NOM1: variants seen among roughly 807,000 people sequenced by gnomAD.
NOM1 encodes nucleolar protein with MIF4G domain 1, also known as nucleolar MIF4G domain-containing protein 1.
NOM1 carries 58 observed loss-of-function variants against 73.3 expected under a neutral mutation model. The ratio of observed to expected loss-of-function variants is 0.79; its 90% CI spans 0.64 to 0.99. The LOEUF is 0.99. NOM1 is among the 50% of genes least tolerant of loss of function. The pLI, the probability that NOM1 is intolerant of heterozygous loss-of-function variation, is 0.00. For missense variants in NOM1, 1,226 were observed against 1,131.9 expected (o/e 1.08, Z -1.19); for synonymous variants, 487 against 446.8 (o/e 1.09, Z -1.14).
Position 156,960,039 on chromosome 7 carries a change from T to G in NOM1, c.1497T>G (p.Ile499Met), listed in dbSNP as rs184555546. The change falls in exon 4 of 11, where the codon ATT becomes ATG. Residue 499 changes from isoleucine to methionine, a missense_variant. Transcript: ENST00000275820. ...TTGGAACTTTCACCGAAAAAGATAT[T>G]GAACTGATCTTGTTAATGCTGAAAA... ...KLIGTFTEKD[I>M]ELILLMLKNV... is the part of the protein sequence containing the mutation. 77 of 1,614,202 alleles carry G rather than the reference T, an allele frequency of 4.8e-5. No individual in the cohort carries two copies. The highest frequency in any genetic ancestry group is 6.4e-5 in the Non-Finnish European group (76 of 1,180,034).
intron 7 of NOM1, 83 bp from the exon 8 acceptor site, chr7:156,966,187 G>T: frequency 6.4e-7 from 1 of 1,556,124 alleles, no homozygotes; most frequent in South Asian, 1.2e-5. Flanking sequence ...CCTTCCAGGC[G>T]GGAAGATGTT....
chr7:156,958,501 G>C (rs1298654580), intron 3 of NOM1: 1 of 152,260 alleles, frequency 6.6e-6, no homozygotes, highest in Non-Finnish European at 1.5e-5. Context: ...TCCAGTCCCA[G>C]CTTAAGTTGA....
chr7:156,951,831 C>T (rs1804599997), intron 1 of NOM1, among the ~76,000 whole-genome samples: 2 of 152,060 alleles, frequency 1.3e-5, no homozygotes, highest in South Asian at 4.1e-4. Flanking sequence ...CCTCATCTCC[C>T]AAGTAGCTGG....
At chr7:156,968,420 G>A (rs142176245) in intron 9 of NOM1, among the ~76,000 whole-genome samples, 2,319 of 152,146 alleles carry the variant, frequency 0.015, 26 homozygotes, top group Non-Finnish European at 0.026. Flanking sequence ...GTCCGCAAGC[G>A]CCTGTGATGG....
chr7:156,957,301 T>C (rs530759981), intron 3 of NOM1, among the ~76,000 whole-genome samples: 2 of 152,292 alleles, frequency 1.3e-5, no homozygotes, highest in South Asian at 2.1e-4. Flanking sequence ...AAAAACCCAA[T>C]CTATGTAGAT....
chr7:156,962,200 G>A lies in NOM1; in HGVS notation c.1682G>A (p.Arg561His), dbSNP rs375066764. ...TTGGCCCTGAAGAACAATGACATGCGCAAAATTCCAGGCTATGACCCCGAG... is the reference window on the plus strand; with the variant it reads ...TTGGCCCTGAAGAACAATGACATGCACAAAATTCCAGGCTATGACCCCGAG... ...TMLALKNNDM[R>H]KIPGYDPEPV... The change falls in exon 5 of 11, where the codon CGC becomes CAC. Residue 561 changes from arginine (R) to histidine (H), a missense_variant. Arg to His is a conservative substitution (Grantham distance 29, BLOSUM62 0). Coordinates refer to ENST00000275820, the MANE Select transcript of NOM1 (RefSeq NM_138400.2). 8.1e-6 allele frequency: 13 copies of A among 1,613,960 alleles called. No individual in the cohort carries two copies. The highest frequency in any genetic ancestry group is 2.2e-5 in the East Asian group (1 of 44,882).
intron 1 of NOM1, 67 bp from the exon 2 acceptor site, chr7:156,952,407 T>C: frequency 3.9e-6 from 6 of 1,536,740 alleles, no homozygotes; most frequent in Non-Finnish European, 5.3e-6. Flanking sequence ...AATACACATA[T>C]GGCAAAGAAA....
Position 156,950,059 on chromosome 7 carries a change from C to T in NOM1, c.322C>T (p.Pro108Ser). ...GAGGACGGCGGGCCCCGAACAGGGT[C>T]CCGGCCTGGGAGGCCGAAGCGGAGC... ...LQRTAGPEQG[P>S]GLGGRSGAEE... Residue 108 changes from proline to serine, a missense_variant, in exon 1 of 11, where the codon CCC (proline) becomes TCC (serine). Physicochemically the swap from Pro to Ser is moderately conservative, Grantham distance 74 (BLOSUM62 -1). Transcript: ENST00000275820. 6.5e-7 allele frequency: 1 copy of T among 1,543,650 alleles called. No homozygotes were observed. Among genetic ancestry groups the T allele is most frequent in the Non-Finnish European group, 8.7e-7 (1 of 1,146,934 alleles).
intron 3 of NOM1, among the ~76,000 whole-genome samples, chr7:156,956,272 T>C (rs1291545529): frequency 6.6e-6 from 1 of 151,590 alleles, no homozygotes; most frequent in Non-Finnish European, 1.5e-5. Context: ...GAAGGCGGCA[T>C]GGGGTGGGTG....
chr7:156,957,434 G>A (rs1407630913), intron 3 of NOM1, among the ~76,000 whole-genome samples: 4 of 152,134 alleles, frequency 2.6e-5, no homozygotes, highest in Non-Finnish European at 5.9e-5. Flanking sequence ...GACATTAAAT[G>A]GAACTTCAGA....
At position 156,960,894 on chromosome 7, in the gene NOM1, T is replaced by A. The variant is rs185086759; in HGVS notation, c.1632+720T>A. On this transcript the variant is annotated intron_variant, in intron 4 of 10. Coordinates refer to ENST00000275820, the MANE Select transcript of NOM1 (RefSeq NM_138400.2). ...AATGTTGGGATCGTGGCAGTGGGTG[T>A]GGACATGGGCGTCAGAAGTGACCAG... Among the ~76,000 whole-genome samples, 43 of 152,148 alleles carry A rather than the reference T, an allele frequency of 2.8e-4. No homozygotes were observed. The East Asian group carries it at 7.4e-3, about 26-fold the overall frequency.
rs1438029594 is a variant in NOM1 at position 156,949,757 on chromosome 7, C to A, written c.20C>A (p.Ala7Glu). The change falls in exon 1 of 11, where the codon GCG becomes GAG. Residue 7 changes from alanine to glutamate, a missense_variant. Transcript: ENST00000275820. MAASRS[A>E]GEAGPGGSQG... ...CGAAAGATGGCGGCGTCCAGGAGCG[C>A]GGGAGAGGCCGGCCCGGGCGGCTCC... The A allele has an allele frequency of 3.6e-6, 5 of 1,393,940 alleles. No individual in the cohort carries two copies. In the East Asian group the frequency reaches 1.1e-4, roughly 31 times the overall value. 86.3% of individuals were successfully genotyped at this position (1,393,940 alleles called of 1,614,324 possible). A position where few individuals can be genotyped will look rare whatever the true frequency, so the allele number is the denominator to read the frequency against.
At chr7:156,966,541 C>G in intron 8 of NOM1, 139 bp downstream of exon 8, 1 of 991,898 alleles carries the variant, frequency 1.0e-6, no homozygotes, top group Non-Finnish European at 1.5e-6. Flanking sequence ...CGCTGGCTGC[C>G]AGGCCACCTT....
chr7:156,949,768 G>T lies in NOM1; in HGVS notation c.31G>T (p.Gly11Cys), dbSNP rs1214118398. The T allele has an allele frequency of 1.4e-5, 19 of 1,401,280 alleles. 1 individual carries two copies. The South Asian group carries it at 2.4e-4, about 18-fold the overall frequency. 86.8% of individuals were successfully genotyped at this position (1,401,280 alleles called of 1,614,324 possible). Residue 11 changes from glycine to cysteine, a missense_variant, in exon 1 of 11, where the codon GGC (glycine) becomes TGC (cysteine). Physicochemically the swap from Gly to Cys is radical, Grantham distance 159. Coordinates refer to ENST00000275820, the MANE Select transcript of NOM1 (RefSeq NM_138400.2). MAASRSAGEA[G>C]PGGSQGRVVR... The stretch of plus-strand genomic sequence containing the variant: ...GGCGTCCAGGAGCGCGGGAGAGGCC[G>T]GCCCGGGCGGCTCCCAGGGACGCGT...
chr7:156,960,953 CTCAGGGTCACCCA>C (rs2134786751), intron 4 of NOM1, among the ~76,000 whole-genome samples: 2 of 152,152 alleles, frequency 1.3e-5, no homozygotes, highest in South Asian at 4.1e-4. Flanking sequence ...GGAAGGAGGG[CTCAGGGTCACCCA>C]TCAGGGGCAC....
At position 156,969,922 on chromosome 7, in the gene NOM1, G is replaced by GCCCCCC; in HGVS notation, c.*219_*220insCCCCCC. On this transcript the variant is annotated 3_prime_UTR_variant, in exon 11 of 11. Transcript: ENST00000275820. ...GGGGGTGAGAGGAGAAGGAGGGAGG[G>GCCCCCC]AAAAGGGGTCAGGCACACTGGACAG... 3.5e-6 allele frequency: 1 copy of GCCCCCC among 287,232 alleles called. No individual in the cohort carries two copies. Among genetic ancestry groups the GCCCCCC allele is most frequent in the Non-Finnish European group, 6.6e-6 (1 of 150,576 alleles). The allele number at this position is 287,232 out of a possible 1,614,324, so 17.8% of individuals were successfully genotyped here.
In NOM1 at chr7:156,949,768, G is replaced by A; in HGVS notation, c.31G>A (p.Gly11Ser). The part of the protein sequence containing the change: MAASRSAGEA[G>S]PGGSQGRVVR... ...GGCGTCCAGGAGCGCGGGAGAGGCC[G>A]GCCCGGGCGGCTCCCAGGGACGCGT... The change falls in exon 1 of 11, where the codon GGC (glycine) becomes AGC (serine). Residue 11 changes from glycine to serine, a missense_variant. By Grantham distance (56) the Gly-to-Ser change is moderately conservative. Transcript: ENST00000275820. 3 of 1,401,386 alleles carry A rather than the reference G, an allele frequency of 2.1e-6. No homozygotes were observed. The highest frequency in any genetic ancestry group is 2.8e-5 in the East Asian group (1 of 35,984). 86.8% of individuals were successfully genotyped at this position (1,401,386 alleles called of 1,614,324 possible). A position where few individuals can be genotyped will look rare whatever the true frequency, so the allele number is the denominator to read the frequency against.
At chr7:156,956,213 C>T (rs531677923) in intron 3 of NOM1, among the ~76,000 whole-genome samples, 1 of 149,662 alleles carries the variant, frequency 6.7e-6, no homozygotes, top group African/African-American at 2.5e-5. Context: ...AAAAGATGCA[C>T]GGATTTGCCA....
chr7:156,959,319 G>T (rs1804805147), intron 3 of NOM1, among the ~76,000 whole-genome samples: 3 of 152,002 alleles, frequency 2.0e-5, no homozygotes, highest in African/African-American at 7.3e-5. Context: ...AGCCAGGATG[G>T]TCTCGATCTC....
Sources: gnomAD v4.1 joint callset for allele counts (sites outside exome capture counted in the v4.1 genomes callset) on GRCh38, gnomAD v4.1.1 for gene constraint, MANE v1.5 for transcripts, NCBI Gene and HGNC (gene_info 2026-07-23, HGNC 2026-07-21) for gene names.